Variants in SLC35F3 observed in about 807,000 individuals in gnomAD.
SLC35F3 encodes putative thiamine transporter SLC35F3.
A neutral mutation model predicts 49.9 loss-of-function variants in SLC35F3; 25 were observed. The ratio of observed to expected loss-of-function variants is 0.50; its 90% CI spans 0.37 to 0.70. The LOEUF (loss-of-function observed/expected upper bound fraction) is 0.70, where lower values mean the gene tolerates loss of function less well. Among genes scored for constraint, SLC35F3 ranks in the 30% least tolerant of loss-of-function variants. The pLI is 0.00. For synonymous variants in SLC35F3, 275 were observed against 265.4 expected, an observed-to-expected ratio of 1.04 and a Z score of -0.35; for missense variants, 525 against 639.8, an observed-to-expected ratio of 0.82 and a Z score of 1.94.
intron 2 of SLC35F3, among the ~76,000 whole-genome samples, chr1:234,091,880 C>T (rs150671817): frequency 1.0e-3 from 152 of 152,324 alleles, no homozygotes; most frequent in African/African-American, 3.5e-3. Flanking sequence ...GTTTTCCCCA[C>T]GCAGTATTAG....
chr1:234,022,494 G>T (rs915893719), intron 2 of SLC35F3, among the ~76,000 whole-genome samples: 1 of 152,122 alleles, frequency 6.6e-6, no homozygotes, highest in Non-Finnish European at 1.5e-5. Context: ...GCCTTCAACT[G>T]ATTAGAGGAG....
chr1:234,143,449 C>T (rs1019056568), intron 2 of SLC35F3, among the ~76,000 whole-genome samples: 3 of 151,880 alleles, frequency 2.0e-5, no homozygotes, highest in African/African-American at 4.8e-5. Context: ...CCATCATGCC[C>T]GGCTAATTTT....
At chr1:234,160,415 G>C (rs532616725) in intron 2 of SLC35F3, among the ~76,000 whole-genome samples, 1 of 152,224 alleles carries the variant, frequency 6.6e-6, no homozygotes, top group East Asian at 1.9e-4. Flanking sequence ...CAGTGGCTCT[G>C]GAACTCAAGG....
Position 234,323,259 on chromosome 1 carries a change from A to T in SLC35F3, c.*16A>T, listed in dbSNP as rs376194964. 5 of 1,604,180 alleles carry T rather than the reference A, an allele frequency of 3.1e-6. No individual in the cohort carries two copies. Among genetic ancestry groups the T allele is most frequent in the Non-Finnish European group, 4.3e-6 (5 of 1,174,772 alleles). ...CGCCCGCTAACACCACTCCTCTAGA[A>T]CTCGGTGGTAATGACTGGGAGGTCT... On this transcript the variant is annotated 3_prime_UTR_variant, in exon 8 of 8. Coordinates refer to ENST00000366618, the MANE Select transcript of SLC35F3 (RefSeq NM_173508.4). The surrounding 1 kb of genome is among the most constrained non-coding windows in gnomAD (Gnocchi z 4.5).
In SLC35F3 at chr1:234,169,610, C is replaced by T. The variant is rs377292354; in HGVS notation, c.284-61807C>T. 5.3e-5 allele frequency among the ~76,000 whole-genome samples: 8 copies of T among 152,256 alleles called. No homozygotes were observed. In the East Asian group the frequency reaches 1.4e-3, roughly 26 times the overall value. Reference sequence around the variant, plus strand: ...GACATCTTGTTGACCATGGGGCCCACAGCTCCACTACGGGAGGAGGTCAAG... The same window carrying T: ...GACATCTTGTTGACCATGGGGCCCATAGCTCCACTACGGGAGGAGGTCAAG... On this transcript the variant is annotated intron_variant, in intron 2 of 7. Transcript: ENST00000366618.
At chr1:233,934,178 A>T (rs894458803) in intron 2 of SLC35F3, among the ~76,000 whole-genome samples, 3 of 152,196 alleles carry the variant, frequency 2.0e-5, no homozygotes, top group Non-Finnish European at 2.9e-5. Context: ...TATGAACCGG[A>T]TGCATATTTT....
At chr1:234,170,774 G>C (rs545599316) in intron 2 of SLC35F3, among the ~76,000 whole-genome samples, 1 of 152,192 alleles carries the variant, frequency 6.6e-6, no homozygotes, top group East Asian at 1.9e-4. Flanking sequence ...TTTGAGGAGC[G>C]TTCAAGGAAG....
At chr1:234,249,423 T>A (rs985957083) in intron 3 of SLC35F3, among the ~76,000 whole-genome samples, 3 of 152,116 alleles carry the variant, frequency 2.0e-5, no homozygotes, top group Non-Finnish European at 2.9e-5. Context: ...GAGAGGAACC[T>A]CCCCCTTATC....
At chr1:234,077,004 T>G (rs1218365283) in intron 2 of SLC35F3, among the ~76,000 whole-genome samples, 37 of 147,192 alleles carry the variant, frequency 2.5e-4, no homozygotes, top group African/African-American at 6.0e-4. Context: ...TTTTGTTTTT[T>G]TTTTTTTTTT....
intron 2 of SLC35F3, among the ~76,000 whole-genome samples, chr1:234,155,354 T>C (rs1666134792): frequency 6.6e-6 from 1 of 150,608 alleles, no homozygotes; most frequent in African/African-American, 2.5e-5. Flanking sequence ...AGGATGTTGA[T>C]AAACTTCCAT....
intron 3 of SLC35F3, among the ~76,000 whole-genome samples, chr1:234,300,046 CTA>C (rs201813504): frequency 0.026 from 3,921 of 152,042 alleles, 64 homozygotes; most frequent in South Asian, 0.059. Context: ...AAAAATATAA[CTA>C]TGACATGTTT....
chr1:234,110,898 G>A (rs1377978943), intron 2 of SLC35F3, among the ~76,000 whole-genome samples: 1 of 152,122 alleles, frequency 6.6e-6, no homozygotes, highest in African/African-American at 2.4e-5. Flanking sequence ...TGTTAAGGTG[G>A]ATCCACATTA....
intron 2 of SLC35F3, among the ~76,000 whole-genome samples, chr1:234,149,919 T>A (rs1666053476): frequency 6.6e-6 from 1 of 152,208 alleles, no homozygotes; most frequent in African/African-American, 2.4e-5. Context: ...GGAAACCAGA[T>A]CCTTCCAGCA....
At chr1:234,230,234 G>A (rs1667346119) in intron 2 of SLC35F3, among the ~76,000 whole-genome samples, 1 of 152,204 alleles carries the variant, frequency 6.6e-6, no homozygotes, top group South Asian at 2.1e-4. Context: ...AACGATATTA[G>A]CTAACACCTG....
At chr1:234,166,506 C>A (rs559249149) in intron 2 of SLC35F3, among the ~76,000 whole-genome samples, 73 of 152,290 alleles carry the variant, frequency 4.8e-4, no homozygotes, top group African/African-American at 1.8e-3. Flanking sequence ...GGAAGGGCAG[C>A]AGCTGTCCTG....
In SLC35F3 at chr1:234,071,171, G is replaced by T. The variant is rs201200237; in HGVS notation, c.284-160246G>T. ...AGAGTCTAGGGACCTGGCAAGTCAA[G>T]AATCTATCAATAATATCGCTACAAC... On this transcript the variant is annotated intron_variant, in intron 2 of 7. Coordinates refer to ENST00000366618, the MANE Select transcript of SLC35F3 (RefSeq NM_173508.4). Among the ~76,000 whole-genome samples, 4 of 152,214 alleles carry T rather than the reference G, an allele frequency of 2.6e-5. No individual in the cohort carries two copies. The East Asian group carries it at 5.8e-4, about 22-fold the overall frequency.
intron 2 of SLC35F3, among the ~76,000 whole-genome samples, chr1:233,952,076 T>C (rs1367277033): frequency 6.6e-6 from 1 of 152,162 alleles, no homozygotes; most frequent in East Asian, 1.9e-4. Context: ...CCTCTGTCAT[T>C]TATGATGTCA....
chr1:234,238,560 T>C (rs1667509864), intron 3 of SLC35F3, among the ~76,000 whole-genome samples: 1 of 152,230 alleles, frequency 6.6e-6, no homozygotes, highest in Non-Finnish European at 1.5e-5. Context: ...GTCTTCCCTT[T>C]CATCCTATCA....
chr1:234,310,116 G>A (rs966493711), intron 4 of SLC35F3, among the ~76,000 whole-genome samples: 6 of 152,166 alleles, frequency 3.9e-5, no homozygotes, highest in Non-Finnish European at 8.8e-5. Flanking sequence ...AGAGACTTCT[G>A]ACTGGCTCCC....
Sources: allele counts gnomAD v4.1 joint callset (sites outside exome capture counted in the v4.1 genomes callset), GRCh38; gene constraint gnomAD v4.1.1; non-coding constraint Gnocchi (gnomAD v3.1); transcripts MANE v1.5; gene names NCBI Gene and HGNC (gene_info 2026-07-23, HGNC 2026-07-21).